Variants in PIBF1 observed in about 807,000 individuals in gnomAD.
The protein encoded by PIBF1 is progesterone immunomodulatory binding factor 1.
Under a neutral mutation model 112.5 loss-of-function variants are expected in PIBF1, and 90 were observed. The ratio of observed to expected loss-of-function variants is 0.80; its 90% CI spans 0.67 to 0.95. PIBF1 has a LOEUF of 0.95. Ranked by LOEUF, PIBF1 falls within the 40% of genes least tolerant of loss-of-function variation. The pLI is 0.00. For missense variants in PIBF1, 915 were observed against 852.3 expected, an observed-to-expected ratio of 1.07 and a Z score of -0.92; for synonymous variants, 301 against 288.6, an observed-to-expected ratio of 1.04 and a Z score of -0.44.
At chr13:72,823,358 C>T (rs1329837324) in intron 6 of PIBF1, among the ~76,000 whole-genome samples, 1 of 152,058 alleles carries the variant, frequency 6.6e-6, no homozygotes, top group Non-Finnish European at 1.5e-5. Context: ...TCTATTTTTA[C>T]ATATGTTTTC....
At chr13:72,823,517 A>G (rs2036661506) in intron 6 of PIBF1, among the ~76,000 whole-genome samples, 1 of 152,236 alleles carries the variant, frequency 6.6e-6, no homozygotes, top group Non-Finnish European at 1.5e-5. Context: ...AATGAGTTTA[A>G]AAACATCGGT....
chr13:72,867,023 A>C (rs2038957280), intron 10 of PIBF1, among the ~76,000 whole-genome samples: 1 of 152,198 alleles, frequency 6.6e-6, no homozygotes, highest in African/African-American at 2.4e-5. Context: ...TCTGTGCTTC[A>C]TACAGTTATT....
chr13:72,790,412 A>C (rs912010971), intron 2 of PIBF1, among the ~76,000 whole-genome samples: 1 of 125,376 alleles, frequency 8.0e-6, no homozygotes, highest in East Asian at 2.6e-4. Context: ...AGAGTTTAGG[A>C]GGAGTCCATC....
intron 14 of PIBF1, among the ~76,000 whole-genome samples, chr13:72,937,940 A>T (rs576199727): frequency 6.6e-6 from 1 of 152,200 alleles, no homozygotes; most frequent in Non-Finnish European, 1.5e-5. Flanking sequence ...TTGTAGGCCT[A>T]AATTTCAAAC....
intron 14 of PIBF1, among the ~76,000 whole-genome samples, chr13:72,964,614 T>C (rs1369754896): frequency 1.3e-5 from 2 of 152,228 alleles, no homozygotes; most frequent in African/African-American, 4.8e-5. Context: ...TGAATATTTT[T>C]AGTAGAAGTA....
chr13:72,994,859 TG>T (rs1243470495), intron 16 of PIBF1, among the ~76,000 whole-genome samples: 3 of 152,244 alleles, frequency 2.0e-5, no homozygotes, highest in African/African-American at 7.2e-5. Context: ...GTTTCCTGTT[TG>T]CTTTGTCAGT....
intron 16 of PIBF1, among the ~76,000 whole-genome samples, chr13:72,987,892 C>T (rs1471890570): frequency 1.9e-5 from 2 of 104,814 alleles, no homozygotes; most frequent in African/African-American, 1.0e-4. Context: ...GAGGCAGAGT[C>T]TCGCTCTGTC....
chr13:72,850,867 C>T (rs1012453503), intron 9 of PIBF1, among the ~76,000 whole-genome samples: 1 of 152,042 alleles, frequency 6.6e-6, no homozygotes, highest in Non-Finnish European at 1.5e-5. Context: ...TAATAATATG[C>T]CATTTTTTGA....
chr13:72,966,889 A>G (rs2042754296), intron 15 of PIBF1, among the ~76,000 whole-genome samples: 1 of 152,042 alleles, frequency 6.6e-6, no homozygotes, highest in Non-Finnish European at 1.5e-5. Flanking sequence ...AGCTTGGGCA[A>G]CAGAGTGAGA....
chr13:72,863,866 A>G (rs981943941), intron 10 of PIBF1, among the ~76,000 whole-genome samples: 1 of 152,158 alleles, frequency 6.6e-6, no homozygotes, highest in Non-Finnish European at 1.5e-5. Context: ...GAAAGTGCTT[A>G]TTTTCCCATT....
chr13:72,830,013 T>G (rs2037024443), intron 8 of PIBF1, among the ~76,000 whole-genome samples: 1 of 152,196 alleles, frequency 6.6e-6, no homozygotes, highest in Non-Finnish European at 1.5e-5. Flanking sequence ...TAAGTTATAT[T>G]CCTAGATATT....
intron 17 of PIBF1, among the ~76,000 whole-genome samples, chr13:73,007,093 G>A (rs2044054209): frequency 6.6e-6 from 1 of 151,062 alleles, no homozygotes; most frequent in Admixed American, 6.6e-5. Context: ...AAGCCTATAA[G>A]CCTTATATTT....
intron 10 of PIBF1, chr13:72,881,224 A>T (rs1348823123): frequency 6.6e-6 from 1 of 151,994 alleles, no homozygotes; most frequent in Non-Finnish European, 1.5e-5. Flanking sequence ...CAATGATAGG[A>T]TCTTCTATTT....
In PIBF1 at chr13:72,893,803, A is replaced by C; in HGVS notation, c.1342A>C (p.Ser448Arg). The C allele has an allele frequency of 6.3e-7, 1 of 1,597,998 alleles. No individual in the cohort carries two copies. The highest frequency in any genetic ancestry group is 8.5e-7 in the Non-Finnish European group (1 of 1,171,954). The change falls in exon 11 of 18, where the codon AGT becomes CGT. Residue 448 changes from serine (S) to arginine (R), a missense_variant. Transcript: ENST00000326291. ...TTTCAGGTACAGAGAACTACAACTT[A>C]GTACAGAAAGCAAAGTAACAGAATT... ...LLDRYRELQLSTESKVTEFLH... is the reference protein window; with the variant it reads ...LLDRYRELQLRTESKVTEFLH...
At chr13:72,999,640 G>A (rs2043792544) in intron 17 of PIBF1, among the ~76,000 whole-genome samples, 1 of 152,088 alleles carries the variant, frequency 6.6e-6, no homozygotes, top group Non-Finnish European at 1.5e-5. Flanking sequence ...TCAAATATGA[G>A]AACTTCTGAT....
chr13:72,847,769 A>G (rs1304738679), intron 9 of PIBF1, among the ~76,000 whole-genome samples: 1 of 152,238 alleles, frequency 6.6e-6, no homozygotes, highest in Admixed American at 6.5e-5. Flanking sequence ...TTAACTTTTC[A>G]GTCATCTATG....
chr13:72,965,394 A>G lies in PIBF1; in HGVS notation c.1954A>G (p.Lys652Glu), dbSNP rs751527571. The change falls in exon 15 of 18, where the codon AAA (lysine) becomes GAA (glutamate). Residue 652 changes from lysine (K) to glutamate (E), a missense_variant. Physicochemically the swap from Lys to Glu is moderately conservative, Grantham distance 56 (BLOSUM62 1). Transcript: ENST00000326291. The part of the protein sequence containing the change: ...SLTESIAQLE[K>E]DVSNLNKEKS... ...GACGGAATCTATTGCACAACTTGAG[A>G]AAGATGTCAGGTAAACCATCTACAA... 1 of 1,608,108 alleles carries G rather than the reference A, an allele frequency of 6.2e-7. No individual in the cohort carries two copies. The highest frequency in any genetic ancestry group is 8.5e-7 in the Non-Finnish European group (1 of 1,177,474).
intron 6 of PIBF1, 141 bp downstream of exon 6, chr13:72,822,123 T>A (rs965668085): frequency 3.0e-5 from 20 of 666,110 alleles, no homozygotes; most frequent in Non-Finnish European, 4.3e-5. Context: ...TTTGGCAGTT[T>A]GTTGGGTTTA....
chr13:72,955,261 G>C (rs902503733), intron 14 of PIBF1, among the ~76,000 whole-genome samples: 1 of 151,986 alleles, frequency 6.6e-6, no homozygotes, highest in South Asian at 2.1e-4. Flanking sequence ...TCTTGGTTAT[G>C]GTTCATTCTG....
Sources: allele counts gnomAD v4.1 joint callset (sites outside exome capture counted in the v4.1 genomes callset), GRCh38; gene constraint gnomAD v4.1.1; transcripts MANE v1.5; gene names NCBI Gene and HGNC (gene_info 2026-07-23, HGNC 2026-07-21).